Variants in PRR11 observed in about 807,000 individuals in gnomAD.
The protein encoded by PRR11 is proline-rich protein 11.
PRR11 carries 30 observed loss-of-function variants against 45.6 expected under a neutral mutation model. That is an observed-to-expected ratio of 0.66 (90% CI 0.49 to 0.89). The LOEUF is 0.89. PRR11 is among the 40% of genes least tolerant of loss of function. PRR11 has a pLI of 0.00. For missense variants in PRR11, 373 were observed against 424.8 expected (o/e 0.88, Z 1.07); for synonymous variants, 128 against 153.5 (o/e 0.83, Z 1.23).
intron 9 of PRR11, among the ~76,000 whole-genome samples, chr17:59,198,803 C>T (rs1245896282): frequency 6.6e-6 from 1 of 152,046 alleles, no homozygotes; most frequent in African/African-American, 2.4e-5. Context: ...CACCACTGCA[C>T]TCCAGCCTGG....
At chr17:59,198,604 G>A (rs1283623132) in intron 9 of PRR11, among the ~76,000 whole-genome samples, 1 of 152,026 alleles carries the variant, frequency 6.6e-6, no homozygotes, top group African/African-American at 2.4e-5. Flanking sequence ...AACCTGGGAG[G>A]CAGAGGTTGC....
In PRR11 at chr17:59,188,246, G is replaced by A. The variant is rs76619155; in HGVS notation, c.402+2684G>A. The stretch of plus-strand genomic sequence containing the variant: ...TGCAAAATAAACTTCAATGAGTAAT[G>A]CCTTTAGCCTATCAGATTGACAGAA... On this transcript the variant is annotated intron_variant, in intron 4 of 9. Coordinates refer to ENST00000262293, the MANE Select transcript of PRR11 (RefSeq NM_018304.4). Among the ~76,000 whole-genome samples the A allele has an allele frequency of 5.3e-5, 8 of 152,264 alleles. No homozygotes were observed. In the East Asian group the frequency reaches 1.5e-3, roughly 29 times the overall value.
At chr17:59,176,977 G>A (rs1462170291) in intron 2 of PRR11, among the ~76,000 whole-genome samples, 8 of 152,096 alleles carry the variant, frequency 5.3e-5, no homozygotes, top group Non-Finnish European at 7.4e-5. Context: ...GATTATAGGC[G>A]TGAGCCACCG....
chr17:59,195,492 A>G (rs371351781), intron 7 of PRR11, 49 bp downstream of exon 7: 7 of 1,263,666 alleles, frequency 5.5e-6, no homozygotes, highest in East Asian at 2.3e-5. Context: ...AAAGAATGAT[A>G]TTGTTGTACA....
In PRR11 at chr17:59,194,872, C is replaced by T. The variant is rs1467150966; in HGVS notation, c.744+17C>T. On this transcript the variant is annotated intron_variant, in intron 6 of 9. Transcript: ENST00000262293. The stretch of plus-strand genomic sequence containing the variant: ...AAGAGGAAGGTAAGATGTCATTGAC[C>T]ACATACATGCTCTTTTTGCTTTTAA... 2 of 1,581,794 alleles carry T rather than the reference C, an allele frequency of 1.3e-6. No individual in the cohort carries two copies. Among genetic ancestry groups the T allele is most frequent in the African/African-American group, 1.4e-5 (1 of 74,066 alleles).
At chr17:59,185,397 C>A (rs1386427939) in intron 3 of PRR11, 43 bp from the exon 4 acceptor site, 7 of 1,572,076 alleles carry the variant, frequency 4.5e-6, no homozygotes, top group Non-Finnish European at 6.0e-6. Context: ...TTGTCCTTAT[C>A]ATATTACTCA....
chr17:59,172,933 C>T (rs974109913), intron 2 of PRR11, among the ~76,000 whole-genome samples: 1 of 152,246 alleles, frequency 6.6e-6, no homozygotes, highest in African/African-American at 2.4e-5. Flanking sequence ...GCAGGCAGCT[C>T]CAACTGCCCT....
chr17:59,164,736 G>A (rs1365578937), intron 1 of PRR11, among the ~76,000 whole-genome samples: 3 of 151,816 alleles, frequency 2.0e-5, no homozygotes, highest in African/African-American at 4.8e-5. Flanking sequence ...AAAATTAGCC[G>A]GGCATGGTGG....
chr17:59,163,946 T>A (rs1163440782), intron 1 of PRR11, among the ~76,000 whole-genome samples: 1 of 152,028 alleles, frequency 6.6e-6, no homozygotes, highest in Non-Finnish European at 1.5e-5. Context: ...GCGCCTGTAA[T>A]CCCAACTACT....
chr17:59,181,510 C>G (rs758317061), intron 2 of PRR11: 2 of 1,158,474 alleles, frequency 1.7e-6, no homozygotes, highest in Admixed American at 1.8e-5. Context: ...TGTCCTCCTA[C>G]CAAGCAGCCT....
At position 59,187,829 on chromosome 17, in the gene PRR11, C is replaced by T. The variant is rs537471958; in HGVS notation, c.402+2267C>T. Among the ~76,000 whole-genome samples the T allele has an allele frequency of 1.8e-3, 273 of 150,276 alleles. 1 individual carries two copies. The highest frequency in any genetic ancestry group is 6.8e-3 in the Middle Eastern group (2 of 294). Reference sequence around the variant, plus strand: ...GCAGTGAGCCGAGATCACGCCACTGCACTCCAGCCAGGGTGACAGAATGAG... The same window carrying T: ...GCAGTGAGCCGAGATCACGCCACTGTACTCCAGCCAGGGTGACAGAATGAG... On this transcript the variant is annotated intron_variant, in intron 4 of 9. Transcript: ENST00000262293.
At chr17:59,157,002 C>G (rs2046628592) in intron 1 of PRR11, among the ~76,000 whole-genome samples, 1 of 152,184 alleles carries the variant, frequency 6.6e-6, no homozygotes, top group Non-Finnish European at 1.5e-5. Flanking sequence ...GACTGTAATT[C>G]TTACTGTATT....
chr17:59,176,360 G>A (rs1339112142), intron 2 of PRR11, among the ~76,000 whole-genome samples: 1 of 152,168 alleles, frequency 6.6e-6, no homozygotes, highest in Non-Finnish European at 1.5e-5. Context: ...GTTGTGCTTT[G>A]GAAAGACGCT....
At chr17:59,161,123 T>A (rs1041856539) in intron 1 of PRR11, among the ~76,000 whole-genome samples, 1 of 152,120 alleles carries the variant, frequency 6.6e-6, no homozygotes, top group East Asian at 1.9e-4. Context: ...AAAAAATACA[T>A]AGGCCAGGCA....
intron 2 of PRR11, among the ~76,000 whole-genome samples, chr17:59,182,458 C>G (rs1362470047): frequency 1.4e-5 from 2 of 140,870 alleles, no homozygotes; most frequent in African/African-American, 5.5e-5. Flanking sequence ...GTAGCACAAT[C>G]TTGGCTCACT....
chr17:59,200,002 T>C (rs1449157106), intron 9 of PRR11, among the ~76,000 whole-genome samples: 2 of 152,178 alleles, frequency 1.3e-5, no homozygotes, highest in African/African-American at 2.4e-5. Context: ...AAGATCTTTG[T>C]TGTCACTGCC....
At chr17:59,181,884 G>A (rs1000838193) in intron 2 of PRR11, 5 of 1,346,752 alleles carry the variant, frequency 3.7e-6, no homozygotes, top group Non-Finnish European at 5.1e-6. Flanking sequence ...CATCTTTCTG[G>A]CTTTCTCCTC....
intron 9 of PRR11, among the ~76,000 whole-genome samples, chr17:59,198,126 A>T (rs2046875664): frequency 1.3e-5 from 2 of 152,198 alleles, no homozygotes; most frequent in African/African-American, 2.4e-5. Context: ...ATAAATAATC[A>T]TAATCATAAT....
At chr17:59,165,784 C>T (rs1309478198) in intron 1 of PRR11, among the ~76,000 whole-genome samples, 3 of 151,862 alleles carry the variant, frequency 2.0e-5, no homozygotes, top group Non-Finnish European at 2.9e-5. Context: ...AAGAGCAAAA[C>T]TCTGTCTCAA....
Sources: allele counts gnomAD v4.1 joint callset (sites outside exome capture counted in the v4.1 genomes callset), GRCh38; gene constraint gnomAD v4.1.1; transcripts MANE v1.5; gene names NCBI Gene and HGNC (gene_info 2026-07-23, HGNC 2026-07-21).